Variants in PTPN14 observed in about 807,000 individuals in gnomAD.
PTPN14 encodes tyrosine-protein phosphatase non-receptor type 14.
PTPN14 carries 53 observed loss-of-function variants against 126.8 expected under a neutral mutation model. The ratio of observed to expected loss-of-function variants is 0.42; its 90% CI spans 0.34 to 0.53. PTPN14 has a LOEUF of 0.53. Among genes scored for constraint, PTPN14 ranks in the 20% least tolerant of loss-of-function variants. PTPN14 has a pLI of 0.08. For missense variants in PTPN14, 1,257 were observed against 1,552.9 expected, an observed-to-expected ratio of 0.81 and a Z score of 3.20; for synonymous variants, 630 against 599.3, an observed-to-expected ratio of 1.05 and a Z score of -0.75.
chr1:214,527,151 C>A (rs2102464638), intron 1 of PTPN14, among the ~76,000 whole-genome samples: 1 of 152,166 alleles, frequency 6.6e-6, no homozygotes, highest in African/African-American at 2.4e-5. Context: ...ATCTCAGAGC[C>A]TTGGCAGGAA....
chr1:214,435,089 T>C (rs558197817), intron 3 of PTPN14, among the ~76,000 whole-genome samples: 69 of 152,300 alleles, frequency 4.5e-4, no homozygotes, highest in African/African-American at 1.7e-3. Context: ...ACAAACTTGA[T>C]CTAGACAATT....
chr1:214,494,607 A>G (rs1162283004), intron 1 of PTPN14, among the ~76,000 whole-genome samples: 1 of 152,196 alleles, frequency 6.6e-6, no homozygotes, highest in South Asian at 2.1e-4. Context: ...GTCATCTAAC[A>G]TTAAGCTCTT....
chr1:214,542,978 A>C (rs763010807), intron 1 of PTPN14, among the ~76,000 whole-genome samples: 1 of 152,182 alleles, frequency 6.6e-6, no homozygotes, highest in African/African-American at 2.4e-5. Context: ...TTGGGGGGGA[A>C]TATCAATGAT....
chr1:214,480,859 CCT>C (rs1214502488), intron 1 of PTPN14, among the ~76,000 whole-genome samples: 3 of 151,994 alleles, frequency 2.0e-5, no homozygotes, highest in African/African-American at 4.8e-5. Flanking sequence ...GAAAAGGCAC[CCT>C]CTCTGCCTAC....
chr1:214,388,339 G>GAA, intron 11 of PTPN14, among the ~76,000 whole-genome samples: 1 of 152,084 alleles, frequency 6.6e-6, no homozygotes, highest in Non-Finnish European at 1.5e-5. Context: ...ATTTGCGGGG[G>GAA]AAAAAACCCT....
Position 214,349,871 on chromosome 1 carries a change from T to C in PTPN14, c.*8051A>G, listed in dbSNP as rs991412454. 16 of 152,168 alleles carry C rather than the reference T, an allele frequency of 1.1e-4. No homozygotes were observed. Among genetic ancestry groups the C allele is most frequent in the African/African-American group, 3.6e-4 (15 of 41,494 alleles). 9.4% of individuals were successfully genotyped at this position (152,168 alleles called of 1,614,324 possible). On this transcript the variant is annotated 3_prime_UTR_variant, in exon 19 of 19. Transcript: ENST00000366956. The stretch of plus-strand genomic sequence containing the variant: ...AGCATTCAGTTCTATGCTCAAGGTA[T>C]GTATTAGCTAACACTGCAGTTGTCA...
At chr1:214,391,898 C>A (rs1374924181) in intron 10 of PTPN14, among the ~76,000 whole-genome samples, 1 of 152,190 alleles carries the variant, frequency 6.6e-6, no homozygotes, top group East Asian at 1.9e-4. Flanking sequence ...TATTATCAGA[C>A]CTATGTTATA....
At chr1:214,536,711 T>TG (rs1438847966) in intron 1 of PTPN14, among the ~76,000 whole-genome samples, 17 of 152,120 alleles carry the variant, frequency 1.1e-4, no homozygotes, top group African/African-American at 3.9e-4. Flanking sequence ...CAAGATCTTG[T>TG]CTCAAAAAAA....
intron 5 of PTPN14, among the ~76,000 whole-genome samples, chr1:214,408,936 A>G (rs149598296): frequency 1.3e-5 from 2 of 152,222 alleles, no homozygotes; most frequent in African/African-American, 4.8e-5. Flanking sequence ...AAGCAGGGAA[A>G]TGTCTTTTTT....
chr1:214,448,792 C>A (rs1460510780), intron 3 of PTPN14, among the ~76,000 whole-genome samples: 1 of 152,116 alleles, frequency 6.6e-6, no homozygotes, highest in African/African-American at 2.4e-5. Flanking sequence ...GACCAGTGCT[C>A]TCACCCTTTT....
chr1:214,390,997 T>C lies in PTPN14; in HGVS notation c.978A>G (p.Arg326=), dbSNP rs7550799. The C allele has an allele frequency of 0.79, 1,238,805 of 1,573,400 alleles. 490,820 individuals carry two copies. Among genetic ancestry groups the C allele is most frequent in the African/African-American group, 0.96 (71,358 of 74,196 alleles). Residue 326 remains arginine, a synonymous_variant, in exon 11 of 19, where the codon CGA becomes CGG. Coordinates refer to ENST00000366956, the MANE Select transcript of PTPN14 (RefSeq NM_005401.5). ...PPIRRQPTWS[R]SSLPRQQPYI... is the part of the protein sequence containing the mutation. ...CAGCTTCTATACATACCAGAGAGGA[T>C]CGGCTCCAGGTGGGCTGGCGTCTGA...
chr1:214,380,798 G>C (rs1038624280), intron 13 of PTPN14, among the ~76,000 whole-genome samples: 9 of 152,184 alleles, frequency 5.9e-5, no homozygotes, highest in Middle Eastern at 3.2e-3. Context: ...TGTTGCTTAG[G>C]CTATGGGGTG....
intron 11 of PTPN14, among the ~76,000 whole-genome samples, chr1:214,387,601 C>A (rs375536803): frequency 1.3e-5 from 2 of 151,024 alleles, no homozygotes; most frequent in South Asian, 4.2e-4. Context: ...GTCGTTGAAC[C>A]TGGGCGGCGG....
chr1:214,364,762 G>GTGGGTGAGTGT lies in PTPN14; in HGVS notation c.3272-88_3272-87insACACTCACCCA. ...GAGGGGGGAGCGGAAGAGAACTGATGGTGAGTGTGTGTGTGTGTGTGTGTG... is the reference window on the plus strand; with the variant it reads ...GAGGGGGGAGCGGAAGAGAACTGATGTGGGTGAGTGTGTGAGTGTGTGTGTGTGTGTGTGTG... On this transcript the variant is annotated intron_variant, in intron 17 of 18. Coordinates refer to ENST00000366956, the MANE Select transcript of PTPN14 (RefSeq NM_005401.5). This position sits in a 1 kb window ranked among gnomAD's most constrained non-coding sequence, Gnocchi z 4.1. 6 of 714,540 alleles carry GTGGGTGAGTGT rather than the reference G, an allele frequency of 8.4e-6. No homozygotes were observed. In the African/African-American group the frequency reaches 2.2e-4, roughly 26 times the overall value. 44.3% of individuals were successfully genotyped at this position (714,540 alleles called of 1,614,324 possible).
chr1:214,407,239 T>C (rs1659191449), intron 5 of PTPN14, among the ~76,000 whole-genome samples: 1 of 152,168 alleles, frequency 6.6e-6, no homozygotes, highest in Non-Finnish European at 1.5e-5. Context: ...AAAATAAGAA[T>C]GGAGGCTGGA....
rs1657722634 is a variant in PTPN14, at chr1:214,352,315, A to G, written c.*5607T>C. 1 of 152,228 alleles carries G rather than the reference A, an allele frequency of 6.6e-6. No homozygotes were observed. Among genetic ancestry groups the G allele is most frequent in the Non-Finnish European group, 1.5e-5 (1 of 68,046 alleles). The allele number at this position is 152,228 out of a possible 1,614,324, so 9.4% of individuals were successfully genotyped here. ...GATGCAGCTATATTAAGCTGAAAAG[A>G]TAAGAAAGGTAGTCTACTGAATAAA... On this transcript the variant is annotated 3_prime_UTR_variant, in exon 19 of 19. Transcript: ENST00000366956.
intron 3 of PTPN14, among the ~76,000 whole-genome samples, chr1:214,445,624 C>G (rs569053841): frequency 6.5e-4 from 99 of 151,290 alleles, no homozygotes; most frequent in Admixed American, 1.7e-3. Flanking sequence ...AGTTTGTAGC[C>G]TAAATTCACT....
At position 214,505,108 on chromosome 1, in the gene PTPN14, A is replaced by G. The variant is rs113789705; in HGVS notation, c.-154-40151T>C. 2.2e-3 allele frequency among the ~76,000 whole-genome samples: 333 copies of G among 152,102 alleles called. 3 individuals are homozygous for G. Among genetic ancestry groups the G allele is most frequent in the African/African-American group, 7.7e-3 (318 of 41,478 alleles). On this transcript the variant is annotated intron_variant, in intron 1 of 18. Transcript: ENST00000366956. The stretch of plus-strand genomic sequence containing the variant: ...AGCAGTTGAAATTTGGGGGCCCCCA[A>G]CGAGAGGTCTGAGTTAAATATGAGT...
In PTPN14 at chr1:214,383,901, C is replaced by CCCGCACCATGCT; in HGVS notation, c.1942_1953dup (p.Ser648_Arg651dup). On this transcript the variant is annotated inframe_insertion, in exon 13 of 19. Coordinates refer to ENST00000366956, the MANE Select transcript of PTPN14 (RefSeq NM_005401.5). The surrounding 1 kb of genome is among the most constrained non-coding windows in gnomAD (Gnocchi z 4.4). ...GACTTGAGCGTCATGGCCTCCATGC[C>CCCGCACCATGCT]CCGCACCATGCTGTTCATCACCTCC... is the stretch of plus-strand genomic sequence containing the variant. 1.2e-6 allele frequency: 2 copies of CCCGCACCATGCT among 1,613,450 alleles called. No individual in the cohort carries two copies. Among genetic ancestry groups the CCCGCACCATGCT allele is most frequent in the Non-Finnish European group, 1.7e-6 (2 of 1,180,008 alleles).
Sources: gnomAD v4.1 joint callset for allele counts (sites outside exome capture counted in the v4.1 genomes callset) on GRCh38, gnomAD v4.1.1 for gene constraint, Gnocchi (gnomAD v3.1) non-coding constraint, MANE v1.5 for transcripts, NCBI Gene and HGNC (gene_info 2026-07-23, HGNC 2026-07-21) for gene names.